The following DNAJA3 variants were observed in gnomAD, a reference collection of about 807,000 sequenced individuals.
The protein encoded by DNAJA3 is DnaJ heat shock protein family (Hsp40) member A3.
Under a neutral mutation model 54.9 loss-of-function variants are expected in DNAJA3, and 29 were observed. That is an observed-to-expected ratio of 0.53 (90% CI 0.39 to 0.72). The LOEUF is 0.72. Ranked by LOEUF, DNAJA3 falls within the 30% of genes least tolerant of loss-of-function variation. The probability of loss-of-function intolerance (pLI) is 0.00; values close to 1 mark genes in which losing one functional copy is unlikely to be tolerated. For missense variants in DNAJA3, 708 were observed against 639.4 expected (o/e 1.11, Z -1.16); for synonymous variants, 302 against 251.4 (o/e 1.20, Z -1.90).
chr16:4,450,154 G>C (rs968357143), intron 9 of DNAJA3: 1 of 453,284 alleles, frequency 2.2e-6, no homozygotes, highest in African/African-American at 2.0e-5. Context: ...CCTGTAAACT[G>C]TATTTAGCAT....
intron 1 of DNAJA3, among the ~76,000 whole-genome samples, chr16:4,428,290 G>C (rs2056650140): frequency 2.0e-5 from 3 of 152,034 alleles, no homozygotes; most frequent in Admixed American, 6.6e-5. Context: ...CTGTTGCCCA[G>C]GCCAAATTGC....
intron 8 of DNAJA3, 36 bp from the exon 9 acceptor site, chr16:4,448,697 G>C (rs1397371196): frequency 1.3e-6 from 2 of 1,506,458 alleles, no homozygotes; most frequent in East Asian, 2.3e-5. Context: ...GAGCAACTGG[G>C]GACCAGGGGA....
At chr16:4,437,307 T>G (rs1439025523) in intron 2 of DNAJA3, 95 bp from the exon 3 acceptor site, 3 of 1,015,540 alleles carry the variant, frequency 3.0e-6, no homozygotes, top group East Asian at 2.5e-5. Context: ...TAATTATGAC[T>G]GGTATTTGGG....
At chr16:4,446,812 C>T in intron 7 of DNAJA3, 74 bp from the exon 8 acceptor site, 1 of 1,581,466 alleles carries the variant, frequency 6.3e-7, no homozygotes, top group Non-Finnish European at 8.6e-7. Flanking sequence ...GAGCTTGGGC[C>T]TGGCCAGGCA....
At chr16:4,455,360 C>T in intron 11 of DNAJA3, 186 bp from the exon 12 acceptor site, 1 of 657,778 alleles carries the variant, frequency 1.5e-6, no homozygotes. Context: ...GGGGCTGCTC[C>T]AGGGGTAGCG....
intron 7 of DNAJA3, 22 bp from the exon 8 acceptor site, chr16:4,446,864 C>A (rs552548240): frequency 1.9e-6 from 3 of 1,612,938 alleles, no homozygotes; most frequent in East Asian, 2.2e-5. Flanking sequence ...TCTTCACATG[C>A]ATCTGTCATG....
At position 4,437,415 on chromosome 16, in the gene DNAJA3, A is replaced by G. The variant is rs774758462; in HGVS notation, c.359A>G (p.Tyr120Cys). The G allele has an allele frequency of 5.6e-6, 9 of 1,614,126 alleles. No homozygotes were observed. The highest frequency in any genetic ancestry group is 1.1e-5 in the South Asian group (1 of 91,084). Residue 120 changes from tyrosine to cysteine, a missense_variant, in exon 3 of 12, where the codon TAT becomes TGT. Coordinates refer to ENST00000262375, the MANE Select transcript of DNAJA3 (RefSeq NM_005147.6). ...KKAYYQLAKK[Y>C]HPDTNKDDPK... Reference sequence around the variant, plus strand: ...TTTTTCCCTTAGCTTGCCAAGAAGTATCACCCTGACACAAATAAGGATGAT... The same window carrying G: ...TTTTTCCCTTAGCTTGCCAAGAAGTGTCACCCTGACACAAATAAGGATGAT...
intron 2 of DNAJA3, among the ~76,000 whole-genome samples, chr16:4,436,716 A>G (rs2056776615): frequency 6.6e-6 from 1 of 152,128 alleles, no homozygotes; most frequent in East Asian, 1.9e-4. Flanking sequence ...TTGTATTTTT[A>G]GTAGAGATGG....
chr16:4,438,531 A>G (rs576275137), intron 3 of DNAJA3, among the ~76,000 whole-genome samples: 13 of 152,018 alleles, frequency 8.6e-5, no homozygotes, highest in Admixed American at 2.0e-4. Context: ...AAGAATGTCA[A>G]TGTAATCAGA....
Position 4,434,412 on chromosome 16 carries a change from T to C in DNAJA3, c.240T>C (p.Thr80=). The change falls in exon 2 of 12, where the codon ACT becomes ACC. Residue 80 remains threonine, a synonymous_variant. Transcript: ENST00000262375. ...TGTKHNPFIC[T]ASFHTSAPLA... is the part of the protein sequence containing the mutation. The stretch of plus-strand genomic sequence containing the variant: ...CAAAACATAACCCTTTCATTTGTAC[T>C]GCCTCCTTCCACACGAGTGCCCCTT... The C allele has an allele frequency of 3.7e-6, 6 of 1,613,692 alleles. No homozygotes were observed. The highest frequency in any genetic ancestry group is 2.2e-5 in the East Asian group (1 of 44,886).
chr16:4,434,886 CTTTTT>C (rs202179531), intron 2 of DNAJA3, among the ~76,000 whole-genome samples: 6 of 100,196 alleles, frequency 6.0e-5, no homozygotes, highest in African/African-American at 2.1e-4. Flanking sequence ...CCTTTCCTTT[CTTTTT>C]TTTTTTTTTT....
At chr16:4,434,172 C>G in intron 1 of DNAJA3, 1 of 550,032 alleles carries the variant, frequency 1.8e-6, no homozygotes, top group Non-Finnish European at 3.2e-6. Context: ...GAGGTAACCG[C>G]TCCTGTGATT....
intron 3 of DNAJA3, 141 bp from the exon 4 acceptor site, chr16:4,441,233 GC>G: frequency 4.2e-6 from 3 of 714,134 alleles, no homozygotes; most frequent in East Asian, 2.7e-5. Flanking sequence ...CTAGTCACAG[GC>G]CCACCCCAAC....
At chr16:4,443,441 G>A (rs1246328615) in intron 6 of DNAJA3, among the ~76,000 whole-genome samples, 3 of 152,056 alleles carry the variant, frequency 2.0e-5, no homozygotes, top group South Asian at 2.1e-4. Context: ...CTTCTTCCTG[G>A]TGAGGGAGCA....
At chr16:4,426,271 C>A (rs1013888482) in intron 1 of DNAJA3, among the ~76,000 whole-genome samples, 179 bp downstream of exon 1, 1 of 152,190 alleles carries the variant, frequency 6.6e-6, no homozygotes, top group East Asian at 1.9e-4. Flanking sequence ...GCTCAGCCGT[C>A]AAGGAAGGGA....
intron 3 of DNAJA3, 76 bp downstream of exon 3, chr16:4,437,561 A>T: frequency 8.1e-7 from 1 of 1,239,506 alleles, no homozygotes; most frequent in Non-Finnish European, 1.2e-6. Flanking sequence ...GCTACCTGGG[A>T]CAGCCTGGTG....
chr16:4,455,432 G>T lies in DNAJA3; in HGVS notation c.*14-114G>T, dbSNP rs1484756951. 10 of 1,296,746 alleles carry T rather than the reference G, an allele frequency of 7.7e-6. No individual in the cohort carries two copies. In the East Asian group the frequency reaches 2.5e-4, roughly 33 times the overall value. 80.3% of individuals were successfully genotyped at this position (1,296,746 alleles called of 1,614,324 possible). On this transcript the variant is annotated intron_variant, in intron 11 of 11. Coordinates refer to ENST00000262375, the MANE Select transcript of DNAJA3 (RefSeq NM_005147.6). Reference sequence around the variant, plus strand: ...TATTATGCTCATCTCAGCAAGTGGGGTTCTCGCCCCTCTCTTGGCACAGCT... The same window carrying T: ...TATTATGCTCATCTCAGCAAGTGGGTTTCTCGCCCCTCTCTTGGCACAGCT...
intron 9 of DNAJA3, chr16:4,449,538 C>G (rs565421610): frequency 6.6e-6 from 1 of 152,278 alleles, no homozygotes; most frequent in East Asian, 1.9e-4. Flanking sequence ...TACCACCACG[C>G]CCAGCTAATT....
At position 4,456,588 on chromosome 16, in the gene DNAJA3, T is replaced by C. The variant is rs1444428609; in HGVS notation, c.*1056T>C. ...TGCTGGTAGCATGTCGCAGTTTCCA[T>C]GTGTTTCAGGATCTTCGGGCTGTCG... On this transcript the variant is annotated 3_prime_UTR_variant, in exon 12 of 12. Transcript: ENST00000262375. The C allele has an allele frequency of 6.6e-6, 1 of 152,664 alleles. No individual in the cohort carries two copies. The highest frequency in any genetic ancestry group is 1.5e-5 in the Non-Finnish European group (1 of 68,038). The allele number at this position is 152,664 out of a possible 1,614,324, so 9.5% of individuals were successfully genotyped here. A position where few individuals can be genotyped will look rare whatever the true frequency, so the allele number is the denominator to read the frequency against.
Sources: allele counts gnomAD v4.1 joint callset (sites outside exome capture counted in the v4.1 genomes callset), GRCh38; gene constraint gnomAD v4.1.1; transcripts MANE v1.5; gene names NCBI Gene and HGNC (gene_info 2026-07-23, HGNC 2026-07-21).